MEI4: variants seen among roughly 807,000 people sequenced by gnomAD.
MEI4 encodes meiosis-specific protein MEI4.
MEI4 carries 27 observed loss-of-function variants against 31.4 expected under a neutral mutation model. The ratio of observed to expected loss-of-function variants is 0.86; its 90% confidence interval spans 0.63 to 1.19. The LOEUF is 1.19. Among genes scored for constraint, MEI4 ranks in the 50% most tolerant of loss-of-function variants. The pLI is 0.00. For missense variants in MEI4, 329 were observed against 398.9 expected (o/e 0.82, Z 1.49); for synonymous variants, 122 against 145.4 (o/e 0.84, Z 1.16).
chr6:77,717,096 CCT>C (rs1766600197), intron 2 of MEI4, among the ~76,000 whole-genome samples: 3 of 136,204 alleles, frequency 2.2e-5, no homozygotes, highest in East Asian at 4.4e-4. Context: ...ATCCCGCCAG[CCT>C]CTGAGTTCCC....
rs550234639 is a variant in MEI4, at chr6:77,920,053, C to G, written c.901-3036C>G. On this transcript the variant is annotated intron_variant, in intron 4 of 4. Transcript: ENST00000684080. ...GTCCAGGACCAGATGGATTCACAGC[C>G]GAATTCTACCAGAGGTACAAGGAGG... 8.3e-3 allele frequency among the ~76,000 whole-genome samples: 1,220 copies of G among 146,814 alleles called. 6 individuals carry two copies. Among genetic ancestry groups the G allele is most frequent in the Non-Finnish European group, 0.014 (902 of 66,146 alleles).
chr6:77,701,321 A>C (rs1421133994), intron 2 of MEI4, among the ~76,000 whole-genome samples: 8 of 152,120 alleles, frequency 5.3e-5, no homozygotes, highest in Non-Finnish European at 1.2e-4. Context: ...TCTAAACTGG[A>C]CTAGGGATTG....
chr6:77,832,158 T>G (rs1031426578), intron 4 of MEI4, among the ~76,000 whole-genome samples: 1 of 152,034 alleles, frequency 6.6e-6, no homozygotes, highest in African/African-American at 2.4e-5. Flanking sequence ...CTAACAGATT[T>G]TCCAACCTAA....
intron 1 of MEI4, among the ~76,000 whole-genome samples, chr6:77,671,348 C>T (rs187081120): frequency 3.8e-4 from 58 of 152,228 alleles, no homozygotes; most frequent in Middle Eastern, 6.8e-3. Context: ...GCATGAGCCA[C>T]GGCACCCAGC....
chr6:77,911,481 T>A (rs1361589413), intron 4 of MEI4, among the ~76,000 whole-genome samples: 1 of 151,830 alleles, frequency 6.6e-6, no homozygotes, highest in Admixed American at 6.6e-5. Flanking sequence ...GCTATAGTAG[T>A]CCCTGGTGTC....
chr6:77,738,597 G>A (rs562614294), intron 2 of MEI4, among the ~76,000 whole-genome samples: 2 of 150,818 alleles, frequency 1.3e-5, no homozygotes, highest in South Asian at 2.1e-4. Context: ...TAATCATTTG[G>A]GTGTATATTC....
At chr6:77,823,030 TAATG>T (rs976349383) in intron 3 of MEI4, among the ~76,000 whole-genome samples, 2 of 152,174 alleles carry the variant, frequency 1.3e-5, no homozygotes, top group South Asian at 4.1e-4. Context: ...ATATTTGCTG[TAATG>T]AATGAATGAA....
Position 77,791,344 on chromosome 6 carries a change from C to T in MEI4, c.768+29679C>T, listed in dbSNP as rs369149763. On this transcript the variant is annotated intron_variant, in intron 3 of 4. Coordinates refer to ENST00000684080, the MANE Select transcript of MEI4 (RefSeq NM_001322247.2). ...GGCACATATACACCATGGAATACTA[C>T]GCAGCCATAAAAAATGATGAGTTCA... 2.3e-3 allele frequency among the ~76,000 whole-genome samples: 344 copies of T among 151,748 alleles called. 1 individual carries two copies. Among genetic ancestry groups the T allele is most frequent in the East Asian group, 0.017 (86 of 5,148 alleles).
intron 3 of MEI4, among the ~76,000 whole-genome samples, chr6:77,770,625 C>T (rs780330224): frequency 3.3e-5 from 5 of 152,074 alleles, no homozygotes; most frequent in Non-Finnish European, 7.4e-5. Flanking sequence ...GTAAATGAAA[C>T]AGCAAGGTGC....
intron 4 of MEI4, among the ~76,000 whole-genome samples, chr6:77,892,717 G>C (rs1765988919): frequency 6.6e-6 from 1 of 152,142 alleles, no homozygotes; most frequent in Non-Finnish European, 1.5e-5. Context: ...ACTCAGTCCA[G>C]CTGGCCTTAT....
At chr6:77,714,847 T>C (rs547310002) in intron 2 of MEI4, among the ~76,000 whole-genome samples, 2 of 152,306 alleles carry the variant, frequency 1.3e-5, no homozygotes, top group East Asian at 3.9e-4. Context: ...TCATGCAATA[T>C]CAAGTATTTT....
intron 2 of MEI4, among the ~76,000 whole-genome samples, chr6:77,736,320 C>A (rs113444670): frequency 0.023 from 3,474 of 151,968 alleles, 166 homozygotes; most frequent in African/African-American, 0.079. Flanking sequence ...GAGCCATGTG[C>A]GGGATATAAT....
At chr6:77,845,884 G>GTTTTTTTTTT (rs11294532) in intron 4 of MEI4, among the ~76,000 whole-genome samples, 1 of 143,424 alleles carries the variant, frequency 7.0e-6, no homozygotes. Flanking sequence ...CAGAAGTCTT[G>GTTTTTTTTTT]TTTTTTTTTT....
chr6:77,732,144 GT>G (rs1239595048), intron 2 of MEI4, among the ~76,000 whole-genome samples: 1 of 151,380 alleles, frequency 6.6e-6, no homozygotes, highest in African/African-American at 2.4e-5. Flanking sequence ...CTTGAAAGTA[GT>G]TTTTTCCAAT....
chr6:77,839,202 T>G (rs1023983930), intron 4 of MEI4, among the ~76,000 whole-genome samples: 1 of 152,086 alleles, frequency 6.6e-6, no homozygotes, highest in African/African-American at 2.4e-5. Flanking sequence ...TTTGTATTTG[T>G]TTTTTTATCT....
chr6:77,828,187 C>T (rs1438130721), intron 3 of MEI4, among the ~76,000 whole-genome samples: 2 of 151,868 alleles, frequency 1.3e-5, no homozygotes, highest in African/African-American at 4.8e-5. Context: ...CCTCAGTAAG[C>T]ATTTTCACAA....
intron 4 of MEI4, among the ~76,000 whole-genome samples, chr6:77,860,610 T>G (rs1770841585): frequency 6.6e-6 from 1 of 152,164 alleles, no homozygotes; most frequent in East Asian, 1.9e-4. Flanking sequence ...ACTGATAAAA[T>G]GAGAGTTTTT....
intron 3 of MEI4, among the ~76,000 whole-genome samples, chr6:77,808,353 C>T (rs1769491479): frequency 1.3e-5 from 2 of 152,120 alleles, no homozygotes; most frequent in East Asian, 1.9e-4. Flanking sequence ...AAGGGTATCC[C>T]TAATTCCAGA....
At chr6:77,855,578 G>A (rs1219650491) in intron 4 of MEI4, among the ~76,000 whole-genome samples, 1 of 152,114 alleles carries the variant, frequency 6.6e-6, no homozygotes, top group East Asian at 1.9e-4. Flanking sequence ...GTTTTAGAAA[G>A]TAAAGATTAA....
Sources: allele counts gnomAD v4.1 joint callset (sites outside exome capture counted in the v4.1 genomes callset), GRCh38; gene constraint gnomAD v4.1.1; transcripts MANE v1.5; gene names NCBI Gene and HGNC (gene_info 2026-07-23, HGNC 2026-07-21).